Variants in WASF1 observed in about 807,000 individuals in gnomAD.
WASF1 encodes the protein WASP family member 1, also known as actin-binding protein WASF1.
WASF1 carries 7 observed loss-of-function variants against 50.5 expected under a neutral mutation model. That is an observed-to-expected ratio of 0.14 (90% CI 0.08 to 0.26). WASF1 has a LOEUF of 0.26. Ranked by LOEUF, WASF1 falls within the 10% of genes least tolerant of loss-of-function variation. The pLI is 1.00. For missense variants in WASF1, 470 were observed against 694.7 expected, an observed-to-expected ratio of 0.68 and a Z score of 3.64; for synonymous variants, 205 against 244.0, an observed-to-expected ratio of 0.84 and a Z score of 1.49.
chr6:110,111,791 T>C (rs552708047), intron 5 of WASF1, among the ~76,000 whole-genome samples: 122 of 151,918 alleles, frequency 8.0e-4, no homozygotes, highest in Non-Finnish European at 1.4e-3. Flanking sequence ...GGAAACAGAG[T>C]GACTGCTAAT....
chr6:110,144,377 G>A (rs1583993963), intron 3 of WASF1, among the ~76,000 whole-genome samples: 2 of 152,168 alleles, frequency 1.3e-5, no homozygotes, highest in Non-Finnish European at 2.9e-5. Context: ...TTTGTCAGAT[G>A]AGTAGGTTGC....
chr6:110,110,687 CTT>C (rs1380725461), intron 5 of WASF1, among the ~76,000 whole-genome samples: 2 of 152,050 alleles, frequency 1.3e-5, no homozygotes, highest in South Asian at 2.1e-4. Context: ...ACATAATTGA[CTT>C]AAATATAATT....
intron 5 of WASF1, among the ~76,000 whole-genome samples, chr6:110,109,450 G>A (rs140178453): frequency 8.6e-5 from 13 of 151,822 alleles, no homozygotes; most frequent in African/African-American, 3.1e-4. Flanking sequence ...CTGATATCCC[G>A]ATATTAAAAA....
Position 110,148,370 on chromosome 6 carries a change from C to T in WASF1, c.-29+12265G>A, listed in dbSNP as rs371447423. ...TTTCCTAGAATCTAGTATCTAATTA[C>T]GCTTATAAGTATAATGGAGTAAAAG... On this transcript the variant is annotated intron_variant, in intron 3 of 10. Coordinates refer to ENST00000392589, the MANE Select transcript of WASF1 (RefSeq NM_003931.3). 1.4e-4 allele frequency among the ~76,000 whole-genome samples: 21 copies of T among 151,952 alleles called. No individual in the cohort carries two copies. In the East Asian group the frequency reaches 1.5e-3, roughly 11 times the overall value.
rs577637455 is a variant in WASF1, at chr6:110,177,929, T to C, written c.-127+669A>G. Among the ~76,000 whole-genome samples the C allele has an allele frequency of 3.3e-5, 5 of 149,632 alleles. No individual in the cohort carries two copies. The South Asian group carries it at 8.4e-4, about 25-fold the overall frequency. Reference sequence around the variant, plus strand: ...AACATAAAAATCAAGTAACCAACAGTGGTTTCTTATATTTGCAAAAAAAAA... The same window carrying C: ...AACATAAAAATCAAGTAACCAACAGCGGTTTCTTATATTTGCAAAAAAAAA... On this transcript the variant is annotated intron_variant, in intron 2 of 10. Transcript: ENST00000392589.
intron 2 of WASF1, among the ~76,000 whole-genome samples, chr6:110,161,685 A>G (rs1776268376): frequency 6.6e-6 from 1 of 151,554 alleles, no homozygotes; most frequent in Non-Finnish European, 1.5e-5. Flanking sequence ...TTCAGCAAAA[A>G]ACTGGGGAGA....
intron 3 of WASF1, among the ~76,000 whole-genome samples, chr6:110,137,878 T>G (rs566499836): frequency 6.6e-6 from 1 of 152,358 alleles, no homozygotes; most frequent in Non-Finnish European, 1.5e-5. Flanking sequence ...GTTGCAATCC[T>G]ATTAAATTTC....
chr6:110,144,355 G>A (rs546320134), intron 3 of WASF1, among the ~76,000 whole-genome samples: 6 of 152,074 alleles, frequency 3.9e-5, no homozygotes, highest in Non-Finnish European at 5.9e-5. Flanking sequence ...TGTAGATTCT[G>A]GATATTAGCC....
chr6:110,134,177 C>T (rs1250151025), intron 3 of WASF1, among the ~76,000 whole-genome samples: 2 of 151,912 alleles, frequency 1.3e-5, no homozygotes, highest in Non-Finnish European at 2.9e-5. Flanking sequence ...CTCAGCCTCC[C>T]GAAGTGCTGG....
chr6:110,131,538 C>T (rs913628929), intron 3 of WASF1, among the ~76,000 whole-genome samples: 2 of 152,146 alleles, frequency 1.3e-5, no homozygotes, highest in East Asian at 1.9e-4. Context: ...ATAGTAAGTT[C>T]GCTCTGTTGC....
intron 3 of WASF1, among the ~76,000 whole-genome samples, chr6:110,135,310 T>A (rs1362593585): frequency 3.4e-5 from 5 of 148,918 alleles, no homozygotes; most frequent in Non-Finnish European, 6.1e-5. Context: ...ATTTCATTGG[T>A]GAACAGCGAC....
intron 2 of WASF1, among the ~76,000 whole-genome samples, chr6:110,175,231 A>G (rs1463520990): frequency 1.3e-5 from 2 of 152,158 alleles, no homozygotes; most frequent in African/African-American, 4.8e-5. Context: ...TCTTTCTTCA[A>G]AGTATGAATA....
chr6:110,102,406 A>C (rs1773135096), intron 9 of WASF1, among the ~76,000 whole-genome samples, 190 bp from the exon 10 acceptor site: 2 of 152,134 alleles, frequency 1.3e-5, no homozygotes, highest in African/African-American at 4.8e-5. Context: ...TCAATAAAAA[A>C]ATTAATGAGT....
At chr6:110,139,395 G>A (rs1451007597) in intron 3 of WASF1, among the ~76,000 whole-genome samples, 2 of 152,184 alleles carry the variant, frequency 1.3e-5, no homozygotes, top group Admixed American at 6.5e-5. Context: ...AGCCCTGACC[G>A]CTCCTCCCCC....
intron 3 of WASF1, among the ~76,000 whole-genome samples, chr6:110,128,902 A>G (rs1290703925): frequency 2.6e-5 from 4 of 152,164 alleles, no homozygotes; most frequent in Non-Finnish European, 5.9e-5. Context: ...TGAGGGGTCT[A>G]GGTTGCATGC....
chr6:110,147,954 C>G (rs1465275386), intron 3 of WASF1, among the ~76,000 whole-genome samples: 1 of 152,066 alleles, frequency 6.6e-6, no homozygotes, highest in Non-Finnish European at 1.5e-5. Flanking sequence ...GCCATGTTGC[C>G]CGGGCTGGCC....
At chr6:110,115,376 A>T (rs1773756082) in intron 4 of WASF1, among the ~76,000 whole-genome samples, 1 of 152,154 alleles carries the variant, frequency 6.6e-6, no homozygotes, top group Non-Finnish European at 1.5e-5. Context: ...CCTTGAAGGA[A>T]AAAGAAGGCC....
rs1335537842 is a variant in WASF1 at position 110,132,517 on chromosome 6, G to A, written c.-28-4888C>T. ...TTTGTTTTATAGACACCTTTTAATA[G>A]ATTAAGGAAGTTCCTTTATTATTAT... On this transcript the variant is annotated intron_variant, in intron 3 of 10. Transcript: ENST00000392589. Among the ~76,000 whole-genome samples the A allele has an allele frequency of 6.6e-5, 10 of 151,914 alleles. No individual in the cohort carries two copies. In the East Asian group the frequency reaches 1.2e-3, roughly 18 times the overall value.
At chr6:110,146,053 A>G (rs924010175) in intron 3 of WASF1, among the ~76,000 whole-genome samples, 3 of 152,088 alleles carry the variant, frequency 2.0e-5, no homozygotes, top group African/African-American at 7.2e-5. Context: ...TAATGGGTAC[A>G]GCACACCAAC....
Sources: allele counts gnomAD v4.1 joint callset (sites outside exome capture counted in the v4.1 genomes callset), GRCh38; gene constraint gnomAD v4.1.1; transcripts MANE v1.5; gene names NCBI Gene and HGNC (gene_info 2026-07-23, HGNC 2026-07-21).